The following GPHN variants were observed in gnomAD, a reference collection of about 807,000 sequenced individuals.
The protein encoded by GPHN is gephyrin.
GPHN carries 17 observed loss-of-function variants against 95.5 expected under a neutral mutation model. That is an observed-to-expected ratio of 0.18 (90% CI 0.12 to 0.27). The LOEUF (loss-of-function observed/expected upper bound fraction) is 0.27. GPHN is among the 10% of genes least tolerant of loss of function. The pLI is 1.00. For missense variants in GPHN, 660 were observed against 978.1 expected (o/e 0.67, Z 4.34); for synonymous variants, 320 against 322.5 (o/e 0.99, Z 0.08).
At chr14:67,442,418 A>C in the GPHN span, among the ~76,000 whole-genome samples, 20 of 152,206 alleles carry the variant, frequency 1.3e-4, no homozygotes, top group African/African-American at 4.8e-4. Context: ...TTTATCTATT[A>C]ATAGAAAAAT....
At chr14:66,624,011 GA>G (rs933608972) in intron 1 of GPHN, among the ~76,000 whole-genome samples, 2 of 152,160 alleles carry the variant, frequency 1.3e-5, no homozygotes, top group Admixed American at 1.3e-4. Flanking sequence ...CCAAAGGAGA[GA>G]AAAAGTCTAC....
the GPHN span, among the ~76,000 whole-genome samples, chr14:67,445,651 C>T: frequency 7.7e-6 from 1 of 129,136 alleles, no homozygotes; most frequent in African/African-American, 3.0e-5. Context: ...GTGACATGAT[C>T]ATAGCTCACT....
the GPHN span, among the ~76,000 whole-genome samples, chr14:67,418,613 T>C: frequency 1.3e-5 from 2 of 152,128 alleles, 1 homozygote; most frequent in South Asian, 4.1e-4. Context: ...GAAGGTGACT[T>C]GGAGAGAGAG....
At chr14:67,045,489 GTGTC>G (rs937370796) in intron 10 of GPHN, among the ~76,000 whole-genome samples, 6 of 147,242 alleles carry the variant, frequency 4.1e-5, no homozygotes, top group African/African-American at 1.0e-4. Context: ...CTCTCTGTGT[GTGTC>G]TGTCTTTGTC....
intron 3 of GPHN, among the ~76,000 whole-genome samples, chr14:66,817,970 CT>C (rs2061045405): frequency 6.6e-6 from 1 of 152,254 alleles, no homozygotes; most frequent in East Asian, 1.9e-4. Flanking sequence ...TTTACAATGA[CT>C]GTATGACCAT....
chr14:67,674,547 AGCCCGGCGGTCAGCC>A, the GPHN span: 1 of 1,461,490 alleles, frequency 6.8e-7, no homozygotes. Flanking sequence ...GCCCTTTCCT[AGCCCGGCGGTCAGCC>A]GCCCAGCCCA....
chr14:66,935,621 GGCAGGA>G (rs2067083084), intron 8 of GPHN, among the ~76,000 whole-genome samples: 1 of 151,656 alleles, frequency 6.6e-6, no homozygotes, highest in Non-Finnish European at 1.5e-5. Context: ...GGGAGGCTGA[GGCAGGA>G]GAATCACTTA....
chr14:67,685,221 T>G, the GPHN span: 1 of 1,604,646 alleles, frequency 6.2e-7, no homozygotes, highest in Non-Finnish European at 8.5e-7. Context: ...GGGGGTGGCA[T>G]GAAGAGAGGG....
At chr14:66,712,039 C>T (rs138724611) in intron 2 of GPHN, among the ~76,000 whole-genome samples, 1,890 of 152,132 alleles carry the variant, frequency 0.012, 21 homozygotes, top group Non-Finnish European at 0.018. Context: ...TGAATAGTGC[C>T]GCAATAAACA....
chr14:67,253,786 A>G, the GPHN span, among the ~76,000 whole-genome samples: 1 of 151,608 alleles, frequency 6.6e-6, no homozygotes, highest in Non-Finnish European at 1.5e-5. Context: ...GGCTGTGGTG[A>G]GCCATGTTTG....
the GPHN span, among the ~76,000 whole-genome samples, chr14:67,256,971 C>G: frequency 6.6e-6 from 1 of 152,144 alleles, no homozygotes; most frequent in African/African-American, 2.4e-5. Flanking sequence ...GACACAGCCT[C>G]AGGAGGTCCT....
At chr14:66,536,542 T>TAA (rs59108719) in intron 1 of GPHN, among the ~76,000 whole-genome samples, 47,308 of 152,132 alleles carry the variant, frequency 0.31, 11,195 homozygotes, top group African/African-American at 0.64. Context: ...TTTTGTCAGA[T>TAA]TTTGTTATCA....
chr14:67,583,872 T>A, the GPHN span: 2 of 1,613,792 alleles, frequency 1.2e-6, no homozygotes, highest in African/African-American at 1.3e-5. Context: ...GGGCCCCCGC[T>A]GAACAGCTGA....
chr14:67,577,454 T>TG, the GPHN span: 22 of 1,271,374 alleles, frequency 1.7e-5, no homozygotes, highest in Non-Finnish European at 2.3e-5. Flanking sequence ...CTGGGATACT[T>TG]GCAATACTTG....
chr14:66,569,477 A>C (rs1335342678), intron 1 of GPHN, among the ~76,000 whole-genome samples: 1 of 152,008 alleles, frequency 6.6e-6, no homozygotes, highest in Non-Finnish European at 1.5e-5. Context: ...AGCCTGGCCA[A>C]CATGGTGAAA....
chr14:67,680,588 AG>A, the GPHN span, among the ~76,000 whole-genome samples: 1 of 152,078 alleles, frequency 6.6e-6, no homozygotes, highest in African/African-American at 2.4e-5. Context: ...CCTCCCAAGT[AG>A]CCAGGACCAC....
the GPHN span, among the ~76,000 whole-genome samples, chr14:67,543,697 G>T: frequency 6.6e-6 from 1 of 152,018 alleles, no homozygotes; most frequent in Non-Finnish European, 1.5e-5. Context: ...GAAAGGATAA[G>T]TAGGGATTGA....
At chr14:67,300,659 GCA>G in the GPHN span, among the ~76,000 whole-genome samples, 1 of 151,786 alleles carries the variant, frequency 6.6e-6, no homozygotes, top group Non-Finnish European at 1.5e-5. Context: ...AGTCTTTGAA[GCA>G]CCATAAATAG....
rs567506775 is a variant in GPHN at position 67,062,239 on chromosome 14, A to G, written c.1144+3453A>G. Among the ~76,000 whole-genome samples the G allele has an allele frequency of 2.0e-5, 3 of 152,344 alleles. No homozygotes were observed. In the South Asian group the frequency reaches 6.2e-4, roughly 32 times the overall value. The stretch of plus-strand genomic sequence containing the variant: ...TTTGCGTTTTAATGAGCAAACCTTT[A>G]TAGTTTGTTTTGATTTCAGCTAGAT... On this transcript the variant is annotated intron_variant, in intron 11 of 22. Coordinates refer to ENST00000478722, the MANE Select transcript of GPHN (RefSeq NM_020806.5).
Sources: allele counts gnomAD v4.1 joint callset (sites outside exome capture counted in the v4.1 genomes callset), GRCh38; gene constraint gnomAD v4.1.1; transcripts MANE v1.5; gene names NCBI Gene and HGNC (gene_info 2026-07-23, HGNC 2026-07-21).